TCF4: variants seen among roughly 807,000 people sequenced by gnomAD.
TCF4 encodes transcription factor 4.
In TCF4, 3 loss-of-function variants were observed where a neutral mutation model predicts 82.1. That is an observed-to-expected ratio of 0.04 (90% CI 0.02 to 0.09). The LOEUF is 0.09. Ranked by LOEUF, TCF4 falls within the 10% of genes least tolerant of loss-of-function variation. The pLI is 1.00. For synonymous variants in TCF4, 276 were observed against 309.6 expected (o/e 0.89, Z 1.14); for missense variants, 518 against 852.7 (o/e 0.61, Z 4.89).
At chr18:55,272,124 C>CA (rs2060512141) in intron 10 of TCF4, among the ~76,000 whole-genome samples, 1 of 152,008 alleles carries the variant, frequency 6.6e-6, no homozygotes. Flanking sequence ...TGGGATTTGA[C>CA]AAAGGGTTAA....
intron 9 of TCF4, among the ~76,000 whole-genome samples, chr18:55,276,022 G>C (rs546586264): frequency 6.6e-6 from 1 of 152,100 alleles, no homozygotes; most frequent in Non-Finnish European, 1.5e-5. Context: ...ATTATGTCAA[G>C]TCGCAAGGTA....
chr18:55,590,592 C>T (rs2097683546), upstream of TCF4, among the ~76,000 whole-genome samples: 1 of 152,184 alleles, frequency 6.6e-6, no homozygotes, highest in African/African-American at 2.4e-5. Flanking sequence ...GATGAAGCCA[C>T]CACGAAAGAA....
chr18:55,405,405 G>A (rs959478462), intron 5 of TCF4, among the ~76,000 whole-genome samples: 4 of 152,176 alleles, frequency 2.6e-5, no homozygotes, highest in African/African-American at 9.7e-5. Flanking sequence ...AATCTGCTCT[G>A]ACTTCCTAAG....
At chr18:55,537,845 C>T (rs1175179427) in intron 3 of TCF4, among the ~76,000 whole-genome samples, 1 of 152,004 alleles carries the variant, frequency 6.6e-6, no homozygotes, top group African/African-American at 2.4e-5. Flanking sequence ...ATAAAGAGTT[C>T]CACTTCCCCT....
chr18:55,314,004 G>A (rs2073380152), intron 8 of TCF4, among the ~76,000 whole-genome samples: 1 of 152,064 alleles, frequency 6.6e-6, no homozygotes, highest in Non-Finnish European at 1.5e-5. Flanking sequence ...TAAACAACTT[G>A]TATGAAAAAA....
At chr18:55,445,052 T>G (rs1326063902) in intron 5 of TCF4, among the ~76,000 whole-genome samples, 1 of 152,226 alleles carries the variant, frequency 6.6e-6, no homozygotes, top group Non-Finnish European at 1.5e-5. Context: ...GGAATTGCCT[T>G]AATCACCTCC....
At chr18:55,315,201 G>A (rs538640577) in intron 8 of TCF4, among the ~76,000 whole-genome samples, 3 of 152,210 alleles carry the variant, frequency 2.0e-5, no homozygotes, top group Admixed American at 1.3e-4. Flanking sequence ...GACTTCTCAG[G>A]TGTTCAAACC....
rs184299518 is a variant in TCF4 at position 55,560,975 on chromosome 18, T to C, written c.145+24305A>G. ...AAAGCATTCCATGGTTCTGAATATG[T>C]TCAAATTCCCTGGCTTTCATTGCAT... is the stretch of plus-strand genomic sequence containing the variant. On this transcript the variant is annotated intron_variant, in intron 3 of 19. Transcript: ENST00000354452. Among the ~76,000 whole-genome samples the C allele has an allele frequency of 1.1e-3, 170 of 152,382 alleles. 2 individuals are homozygous for C. Among genetic ancestry groups the C allele is most frequent in the Non-Finnish European group, 5.1e-4 (35 of 68,038 alleles).
chr18:55,435,337 C>T (rs1317871847), intron 5 of TCF4, among the ~76,000 whole-genome samples: 1 of 152,160 alleles, frequency 6.6e-6, no homozygotes, highest in Admixed American at 6.5e-5. Flanking sequence ...ATTAAATAGT[C>T]TTAGATTTGG....
intron 17 of TCF4, chr18:55,229,767 G>A (rs935927592): frequency 6.6e-6 from 1 of 152,492 alleles, no homozygotes. Flanking sequence ...TGACTTCCAT[G>A]GTCTTTAATC....
intron 15 of TCF4, among the ~76,000 whole-genome samples, chr18:55,239,148 T>G (rs989810124): frequency 6.6e-6 from 1 of 152,246 alleles, no homozygotes; most frequent in African/African-American, 2.4e-5. Flanking sequence ...TAAATGTCAT[T>G]AGATATGCAA....
At chr18:55,318,714 G>A (rs540979875) in intron 8 of TCF4, among the ~76,000 whole-genome samples, 25 of 152,060 alleles carry the variant, frequency 1.6e-4, no homozygotes, top group Non-Finnish European at 2.4e-4. Flanking sequence ...TGTGGGATAT[G>A]GACATGGAAA....
In TCF4 at chr18:55,236,481, C is replaced by T. The variant is rs1243769211; in HGVS notation, c.1351-1798G>A. ...TTTTTTTTTTTTAAACATATTCAACCCTGTTGCCTGCCACACCACTCCTTT... is the reference window on the plus strand; with the variant it reads ...TTTTTTTTTTTTAAACATATTCAACTCTGTTGCCTGCCACACCACTCCTTT... On this transcript the variant is annotated intron_variant, in intron 15 of 19. Transcript: ENST00000354452. Among the ~76,000 whole-genome samples the T allele has an allele frequency of 4.6e-5, 7 of 151,826 alleles. No individual in the cohort carries two copies. The South Asian group carries it at 1.0e-3, about 23-fold the overall frequency.
In TCF4 at chr18:55,547,843, A is replaced by G. The variant is rs537733291; in HGVS notation, c.145+37437T>C. ...TTTTCGCAGTGATTCTGTGATATAT[A>G]AAAACAAAGATGAGGCCATAAAATA... On this transcript the variant is annotated intron_variant, in intron 3 of 19. Transcript: ENST00000354452. 1.6e-4 allele frequency among the ~76,000 whole-genome samples: 25 copies of G among 152,308 alleles called. 1 individual carries two copies. The South Asian group carries it at 4.3e-3, about 26-fold the overall frequency.
intron 6 of TCF4, among the ~76,000 whole-genome samples, chr18:55,364,264 C>A (rs1181450368): frequency 6.6e-6 from 1 of 152,060 alleles, no homozygotes; most frequent in Non-Finnish European, 1.5e-5. Flanking sequence ...CCTATGGTAA[C>A]ATTATATCTG....
intron 3 of TCF4, among the ~76,000 whole-genome samples, chr18:55,534,783 C>T (rs2097100778): frequency 6.6e-6 from 1 of 152,192 alleles, no homozygotes; most frequent in Non-Finnish European, 1.5e-5. Flanking sequence ...TATTCCACTA[C>T]ATGCCTGTGA....
intron 5 of TCF4, among the ~76,000 whole-genome samples, chr18:55,412,868 G>A (rs1362657694): frequency 6.6e-6 from 1 of 152,156 alleles, no homozygotes; most frequent in African/African-American, 2.4e-5. Flanking sequence ...CTTAGCAACA[G>A]TCAATGTAAA....
intron 3 of TCF4, among the ~76,000 whole-genome samples, chr18:55,577,345 T>C (rs1358548525): frequency 6.6e-6 from 1 of 150,906 alleles, no homozygotes; most frequent in African/African-American, 2.4e-5. Context: ...ACTAGCTAGA[T>C]GCAAACAACA....
At chr18:55,475,716 C>T (rs1052136223) in intron 3 of TCF4, among the ~76,000 whole-genome samples, 5 of 152,194 alleles carry the variant, frequency 3.3e-5, no homozygotes, top group South Asian at 4.2e-4. Context: ...TTTTGACAGC[C>T]GCAGAAATGT....
Sources: gnomAD v4.1 joint callset for allele counts (sites outside exome capture counted in the v4.1 genomes callset) on GRCh38, gnomAD v4.1.1 for gene constraint, MANE v1.5 for transcripts, NCBI Gene and HGNC (gene_info 2026-07-23, HGNC 2026-07-21) for gene names.